IL1RAPL1: variants seen among roughly 807,000 people sequenced by gnomAD.
The protein encoded by IL1RAPL1 is interleukin-1 receptor accessory protein-like 1.
Under a neutral mutation model 48.4 loss-of-function variants are expected in IL1RAPL1, and 3 were observed. That is an observed-to-expected ratio of 0.06 (90% CI 0.03 to 0.16). The LOEUF (loss-of-function observed/expected upper bound fraction) is 0.16, where lower values mean the gene tolerates loss of function less well. IL1RAPL1 is among the 10% of genes least tolerant of loss of function. The pLI, the probability that IL1RAPL1 is intolerant of heterozygous loss-of-function variation, is 1.00. For synonymous variants in IL1RAPL1, 185 were observed against 187.7 expected, an observed-to-expected ratio of 0.99 and a Z score of 0.12; for missense variants, 349 against 530.6, an observed-to-expected ratio of 0.66 and a Z score of 3.36.
At chrX:28,930,564 T>C (rs1453712696) in intron 2 of IL1RAPL1, among the ~76,000 whole-genome samples, 1 of 112,586 alleles carries the variant, frequency 8.9e-6, no homozygotes, top group Admixed American at 9.4e-5. Flanking sequence ...AAAAATTAAC[T>C]TCTAAGAATA....
chrX:29,776,286 C>T, intron 6 of IL1RAPL1, among the ~76,000 whole-genome samples: 1 of 111,338 alleles, frequency 9.0e-6, no homozygotes. Flanking sequence ...CACTTAGGGC[C>T]CTGAGTCTCT....
chrX:29,810,674 A>T (rs892697504), intron 6 of IL1RAPL1, among the ~76,000 whole-genome samples: 111 of 111,378 alleles, frequency 1.0e-3, no homozygotes, highest in African/African-American at 3.5e-3. Context: ...TATCCTCCAT[A>T]TCTCCAACCC....
At chrX:28,832,223 T>G (rs1220695324) in intron 2 of IL1RAPL1, among the ~76,000 whole-genome samples, 1 of 110,872 alleles carries the variant, frequency 9.0e-6, no homozygotes, top group Non-Finnish European at 1.9e-5. Flanking sequence ...TATTTTTGTA[T>G]CTATTAACAA....
At chrX:29,614,185 G>A (rs1180579762) in intron 5 of IL1RAPL1, among the ~76,000 whole-genome samples, 3 of 111,363 alleles carry the variant, frequency 2.7e-5, no homozygotes, top group East Asian at 2.8e-4. Flanking sequence ...AATTACATCC[G>A]CTGACAAATG....
intron 6 of IL1RAPL1, among the ~76,000 whole-genome samples, chrX:29,748,188 T>A (rs1443367522): frequency 8.9e-6 from 1 of 111,802 alleles, no homozygotes; most frequent in Non-Finnish European, 1.9e-5. Flanking sequence ...CATGAAGATA[T>A]CCTTTTTCCT....
In IL1RAPL1 at chrX:29,645,424, C is replaced by G. The variant is rs755566430; in HGVS notation, c.704-23006C>G. 9.9e-5 allele frequency among the ~76,000 whole-genome samples: 11 copies of G among 111,324 alleles called. No individual in the cohort carries two copies. The South Asian group carries it at 3.0e-3, about 30-fold the overall frequency. ...CCCTCCACAAACCCAGTAAGCATAG[C>G]ATGGAAAGAGATTCTGTCTGCTTGG... On this transcript the variant is annotated intron_variant, in intron 5 of 10. Transcript: ENST00000378993.
At chrX:29,638,374 G>A (rs756674663) in intron 5 of IL1RAPL1, among the ~76,000 whole-genome samples, 1 of 108,648 alleles carries the variant, frequency 9.2e-6, no homozygotes, top group Non-Finnish European at 1.9e-5. Context: ...GGGTTCAAGC[G>A]ATTCTCCTGC....
At chrX:29,023,834 T>C (rs954598298) in intron 2 of IL1RAPL1, among the ~76,000 whole-genome samples, 2 of 111,878 alleles carry the variant, frequency 1.8e-5, no homozygotes, top group African/African-American at 6.5e-5. Context: ...CTACAAAATC[T>C]AGTGGCATTA....
At chrX:28,690,465 C>T (rs1166797243) in intron 1 of IL1RAPL1, among the ~76,000 whole-genome samples, 3 of 111,623 alleles carry the variant, frequency 2.7e-5, no homozygotes, top group East Asian at 5.6e-4. Context: ...TCAATCTTAT[C>T]GTGTTCCCAG....
At chrX:29,727,104 A>G (rs1351979506) in intron 6 of IL1RAPL1, among the ~76,000 whole-genome samples, 3 of 112,137 alleles carry the variant, frequency 2.7e-5, no homozygotes, top group Non-Finnish European at 5.6e-5. Context: ...TTCAGACAAA[A>G]GAAAATGTCT....
At chrX:29,461,267 A>C (rs374861007) in intron 5 of IL1RAPL1, among the ~76,000 whole-genome samples, 42 of 111,961 alleles carry the variant, frequency 3.8e-4, no homozygotes, top group Admixed American at 1.6e-3. Context: ...AGAATCCAAA[A>C]GACTGACAAT....
At chrX:29,236,239 A>G (rs1487192609) in intron 2 of IL1RAPL1, among the ~76,000 whole-genome samples, 1 of 112,220 alleles carries the variant, frequency 8.9e-6, no homozygotes, top group Non-Finnish European at 1.9e-5. Context: ...TTCAAACACT[A>G]CTTCAGTTCA....
intron 2 of IL1RAPL1, among the ~76,000 whole-genome samples, chrX:28,979,064 C>T (rs1180543707): frequency 9.0e-6 from 1 of 111,437 alleles, no homozygotes; most frequent in Non-Finnish European, 1.9e-5. Context: ...ACCAAGTGGC[C>T]AAGGCAGGGT....
At chrX:29,475,239 G>A (rs1354459302) in intron 5 of IL1RAPL1, among the ~76,000 whole-genome samples, 2 of 111,777 alleles carry the variant, frequency 1.8e-5, no homozygotes, top group African/African-American at 6.5e-5. Flanking sequence ...AATTTAATTT[G>A]GGTGTTGATT....
chrX:28,989,030 A>G (rs1018666647), intron 2 of IL1RAPL1, among the ~76,000 whole-genome samples: 1 of 112,408 alleles, frequency 8.9e-6, no homozygotes, highest in African/African-American at 3.2e-5. Flanking sequence ...GTGAAACACT[A>G]TCTCTTCTGT....
chrX:29,930,793 G>T (rs910286595), intron 8 of IL1RAPL1, among the ~76,000 whole-genome samples: 1 of 110,967 alleles, frequency 9.0e-6, no homozygotes, highest in Non-Finnish European at 1.9e-5. Context: ...ATGTACTCTT[G>T]CTCCCACTTT....
chrX:29,204,676 A>T (rs1250063196), intron 2 of IL1RAPL1, among the ~76,000 whole-genome samples: 2 of 112,341 alleles, frequency 1.8e-5, no homozygotes, highest in Non-Finnish European at 1.9e-5. Flanking sequence ...TCCTATAAGT[A>T]AAATAAAATT....
intron 2 of IL1RAPL1, among the ~76,000 whole-genome samples, chrX:29,246,147 G>A (rs187664857): frequency 1.2e-5 from 1 of 83,033 alleles, no homozygotes; most frequent in African/African-American, 4.6e-5. Context: ...ATCTCTCATC[G>A]CTCTTTTTTT....
chrX:28,981,084 C>T (rs1925321172), intron 2 of IL1RAPL1, among the ~76,000 whole-genome samples: 1 of 48,429 alleles, frequency 2.1e-5, no homozygotes, highest in African/African-American at 1.0e-4. Context: ...GAGTGAGACC[C>T]TGTCTCAAAA....
Sources: gnomAD v4.1 joint callset for allele counts (sites outside exome capture counted in the v4.1 genomes callset) on GRCh38, gnomAD v4.1.1 for gene constraint, MANE v1.5 for transcripts, NCBI Gene and HGNC (gene_info 2026-07-23, HGNC 2026-07-21) for gene names.